Variants in CSNK1E observed in about 807,000 individuals in gnomAD.
The protein encoded by CSNK1E is casein kinase 1 epsilon, also known as casein kinase I isoform epsilon.
A neutral mutation model predicts 46.1 loss-of-function variants in CSNK1E; 17 were observed. The ratio of observed to expected loss-of-function variants is 0.37; its 90% CI spans 0.25 to 0.55. CSNK1E has a LOEUF of 0.55. Ranked by LOEUF, CSNK1E falls within the 20% of genes least tolerant of loss-of-function variation. CSNK1E has a pLI of 0.82. For synonymous variants in CSNK1E, 241 were observed against 242.6 expected (o/e 0.99, Z 0.06); for missense variants, 386 against 595.4 (o/e 0.65, Z 3.66).
At position 38,298,097 on chromosome 22, in the gene CSNK1E, T is replaced by G; in HGVS notation, c.885+689A>C. 1 of 1,248,582 alleles carries G rather than the reference T, an allele frequency of 8.0e-7. No homozygotes were observed. The highest frequency in any genetic ancestry group is 6.0e-5 in the East Asian group (1 of 16,564). 77.3% of individuals were successfully genotyped at this position (1,248,582 alleles called of 1,614,324 possible). On this transcript the variant is annotated intron_variant, in intron 7 of 10. Coordinates refer to ENST00000396832, the MANE Select transcript of CSNK1E (RefSeq NM_152221.3). The surrounding 1 kb of genome is among the most constrained non-coding windows in gnomAD (Gnocchi z 4.2). Reference sequence around the variant, plus strand: ...CCAGACCTCAGAGGATCCTTACCAGTACGTGGGTGAGTACGTGGGCCCAGC... The same window carrying G: ...CCAGACCTCAGAGGATCCTTACCAGGACGTGGGTGAGTACGTGGGCCCAGC...
chr22:38,296,457 G>A, intron 7 of CSNK1E: 1 of 1,503,600 alleles, frequency 6.7e-7, no homozygotes, highest in Non-Finnish European at 8.9e-7. Context: ...AGCATGGGAA[G>A]GGCCTGGCCT....
chr22:38,306,816 G>A (rs1026936984), intron 2 of CSNK1E, among the ~76,000 whole-genome samples: 24 of 152,004 alleles, frequency 1.6e-4, no homozygotes, highest in African/African-American at 4.8e-4. Flanking sequence ...TGTGGGTTCC[G>A]CATCTGCCGA....
intron 2 of CSNK1E, among the ~76,000 whole-genome samples, chr22:38,312,497 C>A (rs1242018629): frequency 1.3e-5 from 2 of 152,218 alleles, no homozygotes; most frequent in African/African-American, 4.8e-5. Flanking sequence ...TGAACACCCA[C>A]TGCGCTGGGC....
intron 2 of CSNK1E, among the ~76,000 whole-genome samples, chr22:38,307,583 G>A (rs1321438147): frequency 1.3e-5 from 2 of 152,204 alleles, no homozygotes; most frequent in Non-Finnish European, 2.9e-5. Flanking sequence ...GATGCGCGTA[G>A]CTTATATACA....
intron 1 of CSNK1E, among the ~76,000 whole-genome samples, chr22:38,315,352 C>G (rs1465689221): frequency 6.6e-6 from 1 of 152,238 alleles, no homozygotes; most frequent in African/African-American, 2.4e-5. Context: ...GACAGGGAAC[C>G]CCGGCACCTG....
At position 38,298,867 on chromosome 22, in the gene CSNK1E, G is replaced by T; in HGVS notation, c.804C>A (p.Tyr268Ter). The T allele has an allele frequency of 6.2e-7, 1 of 1,614,222 alleles. No individual in the cohort carries two copies. Among genetic ancestry groups the T allele is most frequent in the Non-Finnish European group, 8.5e-7 (1 of 1,180,030 alleles). ...AGAGGTTGCGGAAGAGCTGACGTAG[G>T]TAAGAGTAGTCGGGCTTGTCGTCAA... is the stretch of plus-strand genomic sequence containing the variant. ...LRFDDKPDYSYLRQLFRNLFH... is the reference protein window; with the variant it reads ...LRFDDKPDYS The change falls in exon 7 of 11, where the codon TAC (tyrosine) becomes TAA (stop). Residue 268 changes from tyrosine to a stop codon, truncating the protein, a stop_gained. Coordinates refer to ENST00000396832, the MANE Select transcript of CSNK1E (RefSeq NM_152221.3). LOFTEE classifies it high-confidence loss of function. This position sits in a 1 kb window ranked among gnomAD's most constrained non-coding sequence, Gnocchi z 4.2.
chr22:38,316,441 A>G (rs1430173399), intron 1 of CSNK1E, among the ~76,000 whole-genome samples: 1 of 152,132 alleles, frequency 6.6e-6, no homozygotes, highest in Non-Finnish European at 1.5e-5. Context: ...AACTAAGGGA[A>G]AAGTTGGGGA....
At chr22:38,316,698 C>G (rs2092747748) in intron 1 of CSNK1E, 1 of 152,258 alleles carries the variant, frequency 6.6e-6, no homozygotes, top group African/African-American at 2.4e-5. Context: ...ATCCAACGAG[C>G]GGGCGCAGCC....
At position 38,309,623 on chromosome 22, in the gene CSNK1E, T is replaced by G. The variant is rs2092712625; in HGVS notation, c.76+4459A>C. ...GCAGACACCACCACGCCTGGCTAAT[T>G]TTTGTATTATTAGTAGAGATGGGGT... is the stretch of plus-strand genomic sequence containing the variant. On this transcript the variant is annotated intron_variant, in intron 2 of 10. Coordinates refer to ENST00000396832, the MANE Select transcript of CSNK1E (RefSeq NM_152221.3). The surrounding 1 kb of genome is among the most constrained non-coding windows in gnomAD (Gnocchi z 4.8). Among the ~76,000 whole-genome samples, 1 of 151,898 alleles carries G rather than the reference T, an allele frequency of 6.6e-6. No homozygotes were observed. Among genetic ancestry groups the G allele is most frequent in the African/African-American group, 2.4e-5 (1 of 41,320 alleles).
chr22:38,299,844 G>T, intron 6 of CSNK1E, 51 bp downstream of exon 6: 3 of 1,594,056 alleles, frequency 1.9e-6, no homozygotes, highest in South Asian at 2.2e-5. Context: ...CTTTCCCTTA[G>T]ACAGTGCCTC....
At position 38,309,326 on chromosome 22, in the gene CSNK1E, G is replaced by A. The variant is rs959720931; in HGVS notation, c.76+4756C>T. On this transcript the variant is annotated intron_variant, in intron 2 of 10. Transcript: ENST00000396832. The surrounding 1 kb of genome is among the most constrained non-coding windows in gnomAD (Gnocchi z 4.8). The stretch of plus-strand genomic sequence containing the variant: ...TGCAGAAACTGATTGACACTTTGGA[G>A]GCAGGGCCTGCAGCACTTGGTGATT... Among the ~76,000 whole-genome samples, 12 of 152,228 alleles carry A rather than the reference G, an allele frequency of 7.9e-5. No homozygotes were observed. Among genetic ancestry groups the A allele is most frequent in the African/African-American group, 2.9e-4 (12 of 41,456 alleles).
At chr22:38,293,346 G>T in intron 9 of CSNK1E, 27 bp from the exon 10 acceptor site, 1 of 1,470,814 alleles carries the variant, frequency 6.8e-7, no homozygotes, top group Non-Finnish European at 9.5e-7. Context: ...GGGAGAGAGG[G>T]GGAGGGAGAG....
chr22:38,294,545 G>A lies in CSNK1E; in HGVS notation c.886-11C>T, dbSNP rs558609213. The A allele has an allele frequency of 3.8e-5, 59 of 1,572,808 alleles. No homozygotes were observed. In the South Asian group the frequency reaches 6.5e-4, roughly 17 times the overall value. ...ATTCCGGGCTGCACCCTGCAGGGAT[G>A]CAAGAAAAGACACCAGTCAGCCCCA... On this transcript the variant is annotated splice_polypyrimidine_tract_variant and intron_variant, in intron 7 of 10. Transcript: ENST00000396832. This position sits in a 1 kb window ranked among gnomAD's most constrained non-coding sequence, Gnocchi z 5.5.
Position 38,303,097 on chromosome 22 carries a change from G to T in CSNK1E, c.187+41C>A. 1.3e-6 allele frequency: 2 copies of T among 1,509,288 alleles called. No individual in the cohort carries two copies. 93.5% of individuals were successfully genotyped at this position (1,509,288 alleles called of 1,614,324 possible). A position where few individuals can be genotyped will look rare whatever the true frequency, so the allele number is the denominator to read the frequency against. ...CACCCTGTGCTCATGGCTGCCCACC[G>T]CCACCCACCCGGCGCCCGCCGCCGC... is the stretch of plus-strand genomic sequence containing the variant. On this transcript the variant is annotated intron_variant, in intron 3 of 10. Transcript: ENST00000396832. The surrounding 1 kb of genome is among the most constrained non-coding windows in gnomAD (Gnocchi z 4.7).
In CSNK1E at chr22:38,303,177, G is replaced by T; in HGVS notation, c.148C>A (p.His50Asn). Residue 50 changes from histidine to asparagine, a missense_variant, in exon 3 of 11, where the codon CAC (histidine) becomes AAC (asparagine). Around this residue, in one of 2 missense-constraint regions of CSNK1E, gnomAD observed 212 missense variants for 410.2 expected, o/e 0.52. Transcript: ENST00000396832. This position sits in a 1 kb window ranked among gnomAD's most constrained non-coding sequence, Gnocchi z 4.7. ...ECVKTKHPQLHIESKFYKMMQ... is the reference protein window; with the variant it reads ...ECVKTKHPQLNIESKFYKMMQ... ...ATCTTGTAGAACTTGCTCTCGATGT[G>T]CAGCTGGGGGTGCTTTGTCTTCACA... is the stretch of plus-strand genomic sequence containing the variant. The T allele has an allele frequency of 6.2e-7, 1 of 1,610,500 alleles. No individual in the cohort carries two copies.
intron 10 of CSNK1E, chr22:38,292,987 G>A (rs900856935): frequency 5.9e-6 from 3 of 504,902 alleles, no homozygotes; most frequent in Non-Finnish European, 1.1e-5. Context: ...GGCAGAAGGA[G>A]ATAGAGACCT....
At chr22:38,314,353 G>A (rs1261297120) in intron 1 of CSNK1E, among the ~76,000 whole-genome samples, 184 bp from the exon 2 acceptor site, 3 of 152,196 alleles carry the variant, frequency 2.0e-5, no homozygotes, top group African/African-American at 7.2e-5. Context: ...AAGGCAGGCT[G>A]AGGACAGGTT....
In CSNK1E at chr22:38,294,649, T is replaced by G. The variant is rs1385723726; in HGVS notation, c.886-115A>C. On this transcript the variant is annotated intron_variant, in intron 7 of 10. Transcript: ENST00000396832. This position sits in a 1 kb window ranked among gnomAD's most constrained non-coding sequence, Gnocchi z 5.5. ...GGCCAGGTGGATATCTCAGAAACCT[T>G]CTGCTCCAGCCTCCCTGACAAGCGC... The G allele has an allele frequency of 3.0e-6, 3 of 1,013,778 alleles. No homozygotes were observed. The highest frequency in any genetic ancestry group is 4.2e-6 in the Non-Finnish European group (3 of 711,012). 62.8% of individuals were successfully genotyped at this position (1,013,778 alleles called of 1,614,324 possible).
chr22:38,317,836 T>C (rs1477492647), upstream of CSNK1E: 1 of 152,160 alleles, frequency 6.6e-6, no homozygotes, highest in African/African-American at 2.4e-5. Context: ...TTCACGACAC[T>C]GCAAAAGATG....
Sources: gnomAD v4.1 joint callset for allele counts (sites outside exome capture counted in the v4.1 genomes callset) on GRCh38, gnomAD v4.1.1 for gene constraint, gnomAD v4.1.1 regional missense constraint, Gnocchi (gnomAD v3.1) non-coding constraint, MANE v1.5 for transcripts, NCBI Gene and HGNC (gene_info 2026-07-23, HGNC 2026-07-21) for gene names.